The following RBFOX1 variants were observed in gnomAD, a reference collection of about 807,000 sequenced individuals.
The protein encoded by RBFOX1 is RNA binding protein fox-1 homolog 1.
A neutral mutation model predicts 57.7 loss-of-function variants in RBFOX1; 8 were observed. That is an observed-to-expected ratio of 0.14 (90% CI 0.08 to 0.25). The LOEUF is 0.25. Ranked by LOEUF, RBFOX1 falls within the 10% of genes least tolerant of loss-of-function variation. RBFOX1 has a pLI of 1.00. For synonymous variants in RBFOX1, 326 were observed against 222.4 expected, an observed-to-expected ratio of 1.47 and a Z score of -4.15; for missense variants, 611 against 548.5, an observed-to-expected ratio of 1.11 and a Z score of -1.14.
chr16:6,360,948 T>C (rs2088373319), intron 2 of RBFOX1, among the ~76,000 whole-genome samples: 1 of 150,292 alleles, frequency 6.7e-6, no homozygotes, highest in South Asian at 2.1e-4. Context: ...TTTCACATCT[T>C]TTTTATTTTA....
chr16:6,468,559 TA>T (rs2095103599), intron 2 of RBFOX1, among the ~76,000 whole-genome samples: 1 of 152,120 alleles, frequency 6.6e-6, no homozygotes, highest in Admixed American at 6.5e-5. Flanking sequence ...TTCAAAATTC[TA>T]AAGGGAAATT....
intron 2 of RBFOX1, among the ~76,000 whole-genome samples, chr16:6,615,877 C>T (rs140961108): frequency 1.5e-3 from 235 of 152,236 alleles, no homozygotes; most frequent in African/African-American, 5.2e-3. Context: ...TCCTTGCTCG[C>T]GAATCCTCAT....
intron 14 of RBFOX1, among the ~76,000 whole-genome samples, chr16:7,681,827 C>T (rs532698501): frequency 2.0e-5 from 3 of 152,158 alleles, no homozygotes; most frequent in African/African-American, 7.2e-5. Flanking sequence ...CTTTGCTTTC[C>T]CCAGTCCTCT....
intron 3 of RBFOX1, among the ~76,000 whole-genome samples, chr16:6,839,894 G>A (rs190619387): frequency 1.3e-4 from 20 of 152,068 alleles, no homozygotes; most frequent in East Asian, 3.9e-4. Context: ...CCATTCTCTC[G>A]ATTTCTTAAC....
chr16:6,615,809 G>A (rs1428914988), intron 2 of RBFOX1, among the ~76,000 whole-genome samples: 9 of 152,130 alleles, frequency 5.9e-5, no homozygotes, highest in Admixed American at 2.0e-4. Flanking sequence ...GATGGATGGA[G>A]ACACAGCCGC....
At chr16:7,503,383 A>G (rs1211567612) in intron 4 of RBFOX1, among the ~76,000 whole-genome samples, 4 of 152,222 alleles carry the variant, frequency 2.6e-5, no homozygotes, top group Admixed American at 1.3e-4. Flanking sequence ...CTCCTTTAGA[A>G]GCAGGCAGAG....
At chr16:5,550,361 A>C (rs922378283) in intron 2 of RBFOX1, among the ~76,000 whole-genome samples, 1 of 152,160 alleles carries the variant, frequency 6.6e-6, no homozygotes, top group Non-Finnish European at 1.5e-5. Context: ...CATGGAAGGA[A>C]CTGGAAAGGC....
chr16:7,004,412 C>G (rs1596648147), intron 3 of RBFOX1, among the ~76,000 whole-genome samples: 1 of 152,010 alleles, frequency 6.6e-6, no homozygotes, highest in South Asian at 2.1e-4. Context: ...TCTCAGAGAC[C>G]CAAGCTGGTC....
intron 3 of RBFOX1, among the ~76,000 whole-genome samples, chr16:6,931,497 A>T (rs768313877): frequency 6.6e-6 from 1 of 152,150 alleles, no homozygotes; most frequent in Admixed American, 6.6e-5. Flanking sequence ...TACTACATCA[A>T]TGAGAACACT....
chr16:5,654,428 C>T (rs1029408525), intron 3 of RBFOX1, among the ~76,000 whole-genome samples: 1 of 152,144 alleles, frequency 6.6e-6, no homozygotes, highest in Non-Finnish European at 1.5e-5. Flanking sequence ...CTCCCCCCAA[C>T]CTAAAGTCCA....
chr16:6,790,269 C>T (rs2082695537), intron 3 of RBFOX1, among the ~76,000 whole-genome samples: 1 of 151,658 alleles, frequency 6.6e-6, no homozygotes, highest in African/African-American at 2.4e-5. Flanking sequence ...AGTGCAACCT[C>T]TGCCTCCAGG....
intron 3 of RBFOX1, among the ~76,000 whole-genome samples, chr16:6,803,014 T>A (rs1313708091): frequency 6.6e-6 from 1 of 152,214 alleles, no homozygotes; most frequent in African/African-American, 2.4e-5. Context: ...TTTAGCTGCC[T>A]TGCTACTAGG....
intron 1 of RBFOX1, among the ~76,000 whole-genome samples, chr16:5,329,982 C>CAAAAAAA (rs71142613): frequency 6.9e-6 from 1 of 144,650 alleles, no homozygotes; most frequent in African/African-American, 2.8e-5. Context: ...GACTCTGTCT[C>CAAAAAAA]AAAAAAAAAA....
At chr16:6,705,784 G>A (rs11860129) in intron 3 of RBFOX1, among the ~76,000 whole-genome samples, 2 of 152,064 alleles carry the variant, frequency 1.3e-5, no homozygotes, top group African/African-American at 2.4e-5. Flanking sequence ...TTGGGAGCCC[G>A]AGGCAGGCAG....
At chr16:6,280,684 C>G (rs1469802305) in intron 1 of RBFOX1, among the ~76,000 whole-genome samples, 1 of 151,986 alleles carries the variant, frequency 6.6e-6, no homozygotes, top group African/African-American at 2.4e-5. Context: ...ATTATATAAC[C>G]AAAATTCATT....
chr16:6,845,919 G>C (rs1278212177), intron 3 of RBFOX1, among the ~76,000 whole-genome samples: 5 of 152,094 alleles, frequency 3.3e-5, no homozygotes, highest in Admixed American at 3.3e-4. Flanking sequence ...TCTTAAAAAG[G>C]CAAATCTCAA....
At chr16:7,038,066 G>A (rs2045057250) in intron 3 of RBFOX1, among the ~76,000 whole-genome samples, 1 of 151,910 alleles carries the variant, frequency 6.6e-6, no homozygotes, top group African/African-American at 2.4e-5. Flanking sequence ...CAAATGGTAT[G>A]TAAATCCCCC....
At chr16:6,968,647 C>T (rs1219976339) in intron 3 of RBFOX1, among the ~76,000 whole-genome samples, 1 of 152,104 alleles carries the variant, frequency 6.6e-6, no homozygotes, top group African/African-American at 2.4e-5. Context: ...GTGCCACCAT[C>T]CCACAGGACT....
chr16:6,540,064 C>G (rs533194610), intron 2 of RBFOX1, among the ~76,000 whole-genome samples: 1 of 152,198 alleles, frequency 6.6e-6, no homozygotes, highest in East Asian at 1.9e-4. Context: ...CCTCACGTGA[C>G]TTGACTTTGA....
Sources: allele counts gnomAD v4.1 joint callset (sites outside exome capture counted in the v4.1 genomes callset), GRCh38; gene constraint gnomAD v4.1.1; transcripts MANE v1.5; gene names NCBI Gene and HGNC (gene_info 2026-07-23, HGNC 2026-07-21).